MGST3: variants seen among roughly 807,000 people sequenced by gnomAD.
MGST3 encodes the protein microsomal glutathione S-transferase 3.
Under a neutral mutation model 15.8 loss-of-function variants are expected in MGST3, and 13 were observed. That is an observed-to-expected ratio of 0.82 (90% CI 0.54 to 1.31). MGST3 has a LOEUF of 1.31. Ranked by LOEUF, MGST3 falls within the 50% of genes most tolerant of loss-of-function variation. The pLI, the probability that MGST3 is intolerant of heterozygous loss-of-function variation, is 0.00. For missense variants in MGST3, 155 were observed against 192.4 expected, an observed-to-expected ratio of 0.81 and a Z score of 1.15; for synonymous variants, 49 against 68.1, an observed-to-expected ratio of 0.72 and a Z score of 1.38.
chr1:165,650,603 A>C (rs1648524537), intron 2 of MGST3: 1 of 198,580 alleles, frequency 5.0e-6, no homozygotes. Flanking sequence ...TAAGATTCTC[A>C]CACACTCAAT....
intron 1 of MGST3, chr1:165,632,241 T>A: frequency 1.9e-6 from 3 of 1,612,700 alleles, no homozygotes; most frequent in Non-Finnish European, 2.5e-6. Flanking sequence ...GGACAGGAGA[T>A]GCCCTGGAGG....
At chr1:165,644,426 T>C (rs1557993378) in intron 1 of MGST3, among the ~76,000 whole-genome samples, 3 of 152,094 alleles carry the variant, frequency 2.0e-5, no homozygotes, top group Non-Finnish European at 4.4e-5. Flanking sequence ...CCAGTAACAA[T>C]ATGGTATAAA....
chr1:165,632,958 A>G (rs1647993489), intron 1 of MGST3, among the ~76,000 whole-genome samples: 1 of 152,242 alleles, frequency 6.6e-6, no homozygotes, highest in Admixed American at 6.5e-5. Context: ...CTGCACATCT[A>G]TCTGTATTTA....
chr1:165,651,767 C>T, intron 3 of MGST3: 1 of 492,834 alleles, frequency 2.0e-6, no homozygotes, highest in South Asian at 2.1e-5. Context: ...TGGTGGCACG[C>T]ACCTGTAATC....
At chr1:165,634,737 T>TGC (rs1479691247) in intron 1 of MGST3, among the ~76,000 whole-genome samples, 1 of 76,898 alleles carries the variant, frequency 1.3e-5, no homozygotes, top group African/African-American at 6.2e-5. Flanking sequence ...CTCTCAATCA[T>TGC]GCGCTCTCTC....
At chr1:165,640,158 T>A (rs9333415) in intron 1 of MGST3, among the ~76,000 whole-genome samples, 7 of 152,104 alleles carry the variant, frequency 4.6e-5, no homozygotes, top group Admixed American at 2.6e-4. Flanking sequence ...TGAAGTGAGA[T>A]CTGGTAACCC....
chr1:165,654,892 T>C (rs552448324), intron 5 of MGST3, among the ~76,000 whole-genome samples: 2 of 152,300 alleles, frequency 1.3e-5, no homozygotes, highest in East Asian at 3.9e-4. Flanking sequence ...TTACAACAAT[T>C]CTGTAATACA....
chr1:165,638,793 T>TA (rs144430330), intron 1 of MGST3, among the ~76,000 whole-genome samples: 48 of 144,240 alleles, frequency 3.3e-4, no homozygotes, highest in South Asian at 4.3e-4. Context: ...AGACTCCGTC[T>TA]TAAAAAAAAA....
intron 1 of MGST3, among the ~76,000 whole-genome samples, chr1:165,632,477 A>G (rs1647981371): frequency 6.6e-6 from 1 of 152,254 alleles, no homozygotes; most frequent in Admixed American, 6.5e-5. Context: ...AGTCAGATCA[A>G]GAATGTTTAT....
At chr1:165,640,816 C>T (rs1648242760) in intron 1 of MGST3, among the ~76,000 whole-genome samples, 1 of 152,188 alleles carries the variant, frequency 6.6e-6, no homozygotes, top group Non-Finnish European at 1.5e-5. Flanking sequence ...TTCAATGCCA[C>T]ACAAAGGAGG....
In MGST3 at chr1:165,655,404, T is replaced by A; in HGVS notation, c.359T>A (p.Ile120Asn). Residue 120 changes from isoleucine to asparagine, a missense_variant, in exon 6 of 6, where the codon ATC becomes AAC. By Grantham distance (149) the Ile-to-Asn change is moderately radical. Coordinates refer to ENST00000367889, the MANE Select transcript of MGST3 (RefSeq NM_004528.4). ...CGTAGTCGAGGAGCCCTGGGGTCCA[T>A]CGCCCTCCTGGGCTTGGTGGGCACA... is the stretch of plus-strand genomic sequence containing the variant. ...SKRSRGALGS[I>N]ALLGLVGTTV... 1 of 1,614,090 alleles carries A rather than the reference T, an allele frequency of 6.2e-7. No individual in the cohort carries two copies. The highest frequency in any genetic ancestry group is 8.5e-7 in the Non-Finnish European group (1 of 1,179,984).
intron 4 of MGST3, among the ~76,000 whole-genome samples, chr1:165,652,645 G>T (rs537789183): frequency 6.6e-6 from 1 of 152,328 alleles, no homozygotes; most frequent in African/African-American, 2.4e-5. Flanking sequence ...AAGGAGGTGA[G>T]GGAGCAGGTG....
chr1:165,632,370 G>A, intron 1 of MGST3: 1 of 1,346,166 alleles, frequency 7.4e-7, no homozygotes, highest in South Asian at 1.2e-5. Flanking sequence ...TGGGAAATCT[G>A]TAGATCACCT....
intron 1 of MGST3, among the ~76,000 whole-genome samples, chr1:165,633,935 T>C (rs1029776680): frequency 1.3e-5 from 2 of 152,224 alleles, no homozygotes; most frequent in African/African-American, 4.8e-5. Flanking sequence ...AGGAAGTTTT[T>C]TCCTTCTCGT....
intron 1 of MGST3, chr1:165,649,432 C>T: frequency 5.3e-6 from 1 of 187,286 alleles, no homozygotes; most frequent in Non-Finnish European, 1.1e-5. Flanking sequence ...TCCTGCTCCT[C>T]TCACTCCCTC....
Position 165,655,498 on chromosome 1 carries a change from C to A in MGST3, c.453C>A (p.Cys151Ter), listed in dbSNP as rs1182999247. The A allele has an allele frequency of 6.2e-7, 1 of 1,613,968 alleles. No homozygotes were observed. The highest frequency in any genetic ancestry group is 8.5e-7 in the Non-Finnish European group (1 of 1,179,984). ...KSGLGSGPKC[C>*]H ...GCTTGGGCAGTGGACCCAAATGCTG[C>A]CATTAAAGAATTATAGGGGTTTAAA... The change falls in exon 6 of 6, where the codon TGC (cysteine) becomes TGA (stop). Residue 151 changes from cysteine to a stop codon, truncating the protein, a stop_gained. Transcript: ENST00000367889. LOFTEE classifies it high-confidence loss of function.
At chr1:165,649,548 C>T (rs1043823547) in intron 1 of MGST3, 1 of 366,252 alleles carries the variant, frequency 2.7e-6, no homozygotes, top group Non-Finnish European at 5.1e-6. Flanking sequence ...ACGACTACTG[C>T]AGTGGTGTAG....
intron 1 of MGST3, among the ~76,000 whole-genome samples, chr1:165,638,552 G>A (rs976007112): frequency 3.3e-5 from 5 of 152,064 alleles, no homozygotes; most frequent in Admixed American, 1.3e-4. Flanking sequence ...CGGAGGCCAA[G>A]GAGGGTGGAT....
chr1:165,655,416 G>A lies in MGST3; in HGVS notation c.371G>A (p.Gly124Asp), dbSNP rs1163038612. 6.2e-7 allele frequency: 1 copy of A among 1,614,084 alleles called. No homozygotes were observed. The highest frequency in any genetic ancestry group is 8.5e-7 in the Non-Finnish European group (1 of 1,179,996). ...GCCCTGGGGTCCATCGCCCTCCTGG[G>A]CTTGGTGGGCACAACTGTGTGCTCT... ...RGALGSIALLGLVGTTVCSAF... is the reference protein window; with the variant it reads ...RGALGSIALLDLVGTTVCSAF... Residue 124 changes from glycine (G) to aspartate (D), a missense_variant, in exon 6 of 6, where the codon GGC becomes GAC. Coordinates refer to ENST00000367889, the MANE Select transcript of MGST3 (RefSeq NM_004528.4).
Sources: allele counts gnomAD v4.1 joint callset (sites outside exome capture counted in the v4.1 genomes callset), GRCh38; gene constraint gnomAD v4.1.1; transcripts MANE v1.5; gene names NCBI Gene and HGNC (gene_info 2026-07-23, HGNC 2026-07-21).